LAMA2: variants seen among roughly 807,000 people sequenced by gnomAD.
The protein encoded by LAMA2 is laminin subunit alpha 2.
In LAMA2, 269 loss-of-function variants were observed where a neutral mutation model predicts 364.8. The observed-to-expected ratio is 0.74, with a 90% CI of 0.67 to 0.82. The LOEUF (loss-of-function observed/expected upper bound fraction) is 0.82, where lower values mean the gene tolerates loss of function less well. LAMA2 is among the 40% of genes least tolerant of loss of function. The pLI, the probability that LAMA2 is intolerant of heterozygous loss-of-function variation, is 0.00. For synonymous variants in LAMA2, 1,379 were observed against 1,370.6 expected (o/e 1.01, Z -0.14); for missense variants, 3,807 against 3,873.2 (o/e 0.98, Z 0.45).
chr6:129,288,517 G>T (rs532298051), intron 19 of LAMA2, among the ~76,000 whole-genome samples: 1 of 152,204 alleles, frequency 6.6e-6, no homozygotes, highest in Non-Finnish European at 1.5e-5. Context: ...GTCGTATTTT[G>T]TAATAGGTAT....
At chr6:128,933,228 TTC>T (rs1464326380) in intron 1 of LAMA2, among the ~76,000 whole-genome samples, 1 of 131,470 alleles carries the variant, frequency 7.6e-6, no homozygotes, top group African/African-American at 3.2e-5. Context: ...CTCCCTCTCT[TTC>T]TGTGTGTGTG....
intron 3 of LAMA2, among the ~76,000 whole-genome samples, chr6:129,067,880 G>A (rs890947369): frequency 6.6e-6 from 1 of 151,998 alleles, no homozygotes; most frequent in Non-Finnish European, 1.5e-5. Context: ...TCTCAACAAG[G>A]GCCTCCTTGA....
At chr6:129,052,045 C>T (rs1309348046) in intron 2 of LAMA2, among the ~76,000 whole-genome samples, 1 of 150,724 alleles carries the variant, frequency 6.6e-6, no homozygotes, top group Non-Finnish European at 1.5e-5. Context: ...GAGGTAATAA[C>T]GTGAATACTT....
chr6:128,959,626 T>G (rs1781357225), intron 1 of LAMA2, among the ~76,000 whole-genome samples: 1 of 152,172 alleles, frequency 6.6e-6, no homozygotes, highest in South Asian at 2.1e-4. Flanking sequence ...CTTTTCTTCT[T>G]AGAAAACTGC....
chr6:129,151,959 A>T (rs775836140), intron 7 of LAMA2, among the ~76,000 whole-genome samples: 67 of 152,196 alleles, frequency 4.4e-4, no homozygotes, highest in Non-Finnish European at 1.8e-4. Context: ...ATTGATTACT[A>T]TGTGTTCCCT....
At position 129,198,226 on chromosome 6, in the gene LAMA2, ATAT is replaced by A. The variant is rs1344164851; in HGVS notation, c.1782+5382_1782+5384del. On this transcript the variant is annotated intron_variant, in intron 12 of 64. Transcript: ENST00000421865. ...TTCTGCACAAAACGCATGTCACCTAATATTATTATTAAATATTATTAAATATTA... is the reference window on the plus strand; with the variant it reads ...TTCTGCACAAAACGCATGTCACCTAATATTATTAAATATTATTAAATATTA... Among the ~76,000 whole-genome samples, 15 of 150,414 alleles carry A rather than the reference ATAT, an allele frequency of 1.0e-4. No individual in the cohort carries two copies. The South Asian group carries it at 1.2e-3, about 13-fold the overall frequency.
intron 55 of LAMA2, among the ~76,000 whole-genome samples, chr6:129,481,704 A>G (rs1784357603): frequency 1.3e-5 from 2 of 152,102 alleles, no homozygotes; most frequent in South Asian, 2.1e-4. Flanking sequence ...TGGGTTTAAC[A>G]TATGCATATG....
chr6:129,018,817 T>C (rs920480633), intron 1 of LAMA2, among the ~76,000 whole-genome samples: 24 of 152,178 alleles, frequency 1.6e-4, no homozygotes, highest in Non-Finnish European at 2.9e-4. Flanking sequence ...ATGACGTAAA[T>C]ATTGTCTAAT....
At chr6:129,215,207 C>A (rs1783349669) in intron 12 of LAMA2, among the ~76,000 whole-genome samples, 1 of 152,100 alleles carries the variant, frequency 6.6e-6, no homozygotes, top group South Asian at 2.1e-4. Context: ...TTCTGAGAAC[C>A]ATAACCTACA....
At chr6:129,173,503 G>T (rs755932108) in intron 9 of LAMA2, among the ~76,000 whole-genome samples, 46 of 152,216 alleles carry the variant, frequency 3.0e-4, no homozygotes, top group Middle Eastern at 6.8e-3. Context: ...TTCACCACTT[G>T]TCAGTGTCTG....
chr6:129,143,140 A>C (rs1040678074), intron 4 of LAMA2, among the ~76,000 whole-genome samples: 1 of 151,938 alleles, frequency 6.6e-6, no homozygotes, highest in Non-Finnish European at 1.5e-5. Flanking sequence ...GCAATTTCTC[A>C]ATTTTTCTTT....
At chr6:129,344,550 T>C (rs1364542444) in intron 30 of LAMA2, among the ~76,000 whole-genome samples, 4 of 152,136 alleles carry the variant, frequency 2.6e-5, no homozygotes, top group African/African-American at 9.7e-5. Context: ...CTGCAGGAAA[T>C]GGAAATCTGA....
At chr6:129,273,159 G>A (rs1182320202) in intron 17 of LAMA2, among the ~76,000 whole-genome samples, 2 of 152,086 alleles carry the variant, frequency 1.3e-5, no homozygotes, top group Non-Finnish European at 2.9e-5. Context: ...ATAATTAAAG[G>A]CTACTCAAGC....
chr6:129,391,281 C>A (rs1167905183), intron 35 of LAMA2, among the ~76,000 whole-genome samples: 1 of 152,010 alleles, frequency 6.6e-6, no homozygotes, highest in East Asian at 1.9e-4. Context: ...ATTGCTGTAA[C>A]CCCCAAAAGA....
At chr6:129,176,015 ATTAAAT>A (rs1780567317) in intron 9 of LAMA2, among the ~76,000 whole-genome samples, 1 of 151,904 alleles carries the variant, frequency 6.6e-6, no homozygotes, top group Admixed American at 6.6e-5. Context: ...ACTTAAATGA[ATTAAAT>A]TTTAATTTAT....
chr6:129,232,375 G>A (rs1473300095), intron 12 of LAMA2, among the ~76,000 whole-genome samples: 2 of 152,048 alleles, frequency 1.3e-5, no homozygotes, highest in African/African-American at 4.8e-5. Context: ...TTAGAAGGCT[G>A]TCAGAATTTT....
At chr6:129,165,731 T>A (rs1583169393) in intron 9 of LAMA2, 56 bp downstream of exon 9, 1 of 1,005,332 alleles carries the variant, frequency 9.9e-7, no homozygotes, top group East Asian at 2.4e-5. Context: ...AAAAGCCAAA[T>A]ATGATTATTT....
At chr6:129,399,649 AGAG>A (rs1372554893) in intron 37 of LAMA2, among the ~76,000 whole-genome samples, 1 of 152,214 alleles carries the variant, frequency 6.6e-6, no homozygotes, top group Non-Finnish European at 1.5e-5. Context: ...ATAGGTAATC[AGAG>A]GAGTGGCTAT....
chr6:129,362,112 G>A (rs1474625455), intron 32 of LAMA2, among the ~76,000 whole-genome samples: 1 of 151,948 alleles, frequency 6.6e-6, no homozygotes, highest in African/African-American at 2.4e-5. Context: ...ATTGTCCCCA[G>A]AAATGATCAT....
Sources: allele counts gnomAD v4.1 joint callset (sites outside exome capture counted in the v4.1 genomes callset), GRCh38; gene constraint gnomAD v4.1.1; transcripts MANE v1.5; gene names NCBI Gene and HGNC (gene_info 2026-07-23, HGNC 2026-07-21).